Variants in INTS2 observed in about 807,000 individuals in gnomAD.
INTS2 encodes integrator complex subunit 2.
In INTS2, 57 loss-of-function variants were observed where a neutral mutation model predicts 139.6. The ratio of observed to expected loss-of-function variants is 0.41; its 90% confidence interval spans 0.33 to 0.51. The LOEUF is 0.51. INTS2 is among the 20% of genes least tolerant of loss of function. INTS2 has a pLI of 0.28. For missense variants in INTS2, 1,196 were observed against 1,436.7 expected, an observed-to-expected ratio of 0.83 and a Z score of 2.71; for synonymous variants, 473 against 493.4, an observed-to-expected ratio of 0.96 and a Z score of 0.55.
Position 61,926,187 on chromosome 17 carries a change from G to A in INTS2, c.293+165C>T, listed in dbSNP as rs574413387. 9.2e-5 allele frequency among the ~76,000 whole-genome samples: 14 copies of A among 152,228 alleles called. 1 individual carries two copies. The East Asian group carries it at 2.1e-3, about 23-fold the overall frequency. On this transcript the variant is annotated intron_variant, in intron 2 of 24. Transcript: ENST00000251334. ...TCTCTAGATAACATTTTATAACATG[G>A]AAGTCAAAAGATTCTGGAACTGTAA...
At chr17:61,889,064 CAA>C (rs1412067706) in intron 15 of INTS2, among the ~76,000 whole-genome samples, 3 of 135,610 alleles carry the variant, frequency 2.2e-5, no homozygotes. Flanking sequence ...CAAACCAAAA[CAA>C]AACAAAAAAA....
chr17:61,911,409 G>T (rs1055606091), intron 7 of INTS2, 111 bp downstream of exon 7: 12 of 871,544 alleles, frequency 1.4e-5, no homozygotes, highest in Non-Finnish European at 1.9e-5. Flanking sequence ...CCTGAAACTA[G>T]AAAGTGTGAG....
rs2079093626 is a variant in INTS2, at chr17:61,872,136, T to C, written c.2778+129A>G. 1.9e-6 allele frequency: 1 copy of C among 513,444 alleles called. No individual in the cohort carries two copies. Among genetic ancestry groups the C allele is most frequent in the East Asian group, 2.8e-5 (1 of 35,280 alleles). The allele number at this position is 513,444 out of a possible 1,614,324, so 31.8% of individuals were successfully genotyped here. ...AAGGTAACATCATTGTAATAGATTCTATAATAAAAGAAATGCACAATATGT... is the reference window on the plus strand; with the variant it reads ...AAGGTAACATCATTGTAATAGATTCCATAATAAAAGAAATGCACAATATGT... On this transcript the variant is annotated intron_variant, in intron 20 of 24. Transcript: ENST00000251334. This position sits in a 1 kb window ranked among gnomAD's most constrained non-coding sequence, Gnocchi z 4.8.
At chr17:61,879,911 C>G (rs1463552076) in intron 17 of INTS2, among the ~76,000 whole-genome samples, 1 of 152,062 alleles carries the variant, frequency 6.6e-6, no homozygotes, top group African/African-American at 2.4e-5. Context: ...ATTAGTGTTG[C>G]CTGTTTCTTT....
At chr17:61,912,136 A>G in intron 5 of INTS2, 66 bp from the exon 6 acceptor site, 1 of 1,529,760 alleles carries the variant, frequency 6.5e-7, no homozygotes, top group Non-Finnish European at 8.9e-7. Flanking sequence ...TTCACATGAC[A>G]GAAGAAAAGG....
intron 15 of INTS2, among the ~76,000 whole-genome samples, chr17:61,889,091 CTT>C (rs577423232): frequency 4.3e-5 from 6 of 140,506 alleles, no homozygotes; most frequent in Admixed American, 1.4e-4. Context: ...AACTCTTCTA[CTT>C]TTTTTTTTTT....
Position 61,881,578 on chromosome 17 carries a change from C to T in INTS2, c.2090-407G>A, listed in dbSNP as rs544668266. 7.3e-4 allele frequency among the ~76,000 whole-genome samples: 111 copies of T among 152,226 alleles called. 1 individual carries two copies. The highest frequency in any genetic ancestry group is 2.5e-3 in the African/African-American group (103 of 41,544). On this transcript the variant is annotated intron_variant, in intron 16 of 24. Coordinates refer to ENST00000251334, the MANE Select transcript of INTS2 (RefSeq NM_001351695.2). ...CAACATTGCACTCCAGCTCAGGCAA[C>T]GAGCAAAACTCCCGTTCAAAAATAA...
At chr17:61,903,450 G>C (rs530162959) in intron 9 of INTS2, among the ~76,000 whole-genome samples, 2 of 151,904 alleles carry the variant, frequency 1.3e-5, no homozygotes, top group Admixed American at 1.3e-4. Context: ...CCCAGGATGA[G>C]AGCTTTATAC....
intron 8 of INTS2, among the ~76,000 whole-genome samples, chr17:61,905,954 C>T (rs2079458126): frequency 1.3e-5 from 2 of 152,186 alleles, no homozygotes; most frequent in South Asian, 4.1e-4. Flanking sequence ...ACCTTGGCCC[C>T]CCAAAGTGCT....
At chr17:61,888,564 C>CATGCGTGCGTGT (rs1555622464) in intron 15 of INTS2, among the ~76,000 whole-genome samples, 36 of 119,596 alleles carry the variant, frequency 3.0e-4, no homozygotes, top group African/African-American at 8.9e-4. Flanking sequence ...TGTGTGCGTG[C>CATGCGTGCGTGT]GTGTGTGTGT....
rs893534487 is a variant in INTS2 at position 61,865,605 on chromosome 17, G to T, written c.*1952C>A. On this transcript the variant is annotated 3_prime_UTR_variant, in exon 25 of 25. Coordinates refer to ENST00000251334, the MANE Select transcript of INTS2 (RefSeq NM_001351695.2). This position sits in a 1 kb window ranked among gnomAD's most constrained non-coding sequence, Gnocchi z 4.8. ...AGGTTATGACCAGTCTTTGAATATT[G>T]ATCCAGGAATGTGCACTGCATTTAA... 7.9e-5 allele frequency: 12 copies of T among 152,346 alleles called. No homozygotes were observed. The highest frequency in any genetic ancestry group is 2.9e-4 in the African/African-American group (12 of 41,338). The allele number at this position is 152,346 out of a possible 1,614,324, so 9.4% of individuals were successfully genotyped here.
rs748084197 is a variant in INTS2, at chr17:61,889,811, A to T, written c.1959T>A (p.Ala653=). The T allele has an allele frequency of 6.2e-7, 1 of 1,602,122 alleles. No homozygotes were observed. The highest frequency in any genetic ancestry group is 1.1e-5 in the South Asian group (1 of 90,220). ...VLYYILSYEE[A]LLANTKTLAA... ...CTAAAGTCTTCGTGTTTGCTAGAAG[A>T]GCCTCTTCATAAGACAGTATATAGT... Residue 653 remains alanine, a synonymous_variant, in exon 15 of 25, where the codon GCT becomes GCA. Coordinates refer to ENST00000251334, the MANE Select transcript of INTS2 (RefSeq NM_001351695.2).
chr17:61,926,382 T>C lies in INTS2; in HGVS notation c.263A>G (p.Glu88Gly), dbSNP rs2079713784. The change falls in exon 2 of 25, where the codon GAA (glutamate) becomes GGA (glycine). Residue 88 changes from glutamate (E) to glycine (G), a missense_variant. Coordinates refer to ENST00000251334, the MANE Select transcript of INTS2 (RefSeq NM_001351695.2). ...CTGCTGTTCTTTGCTGGCATCTTGT[T>C]CTAAAGCATGAAAGTCCACGGACAA... is the stretch of plus-strand genomic sequence containing the variant. ...ALLSVDFHAL[E>G]QDASKEQQLR... is the part of the protein sequence containing the mutation. 8 of 1,608,426 alleles carry C rather than the reference T, an allele frequency of 5.0e-6. No individual in the cohort carries two copies. Among genetic ancestry groups the C allele is most frequent in the Non-Finnish European group, 6.8e-6 (8 of 1,175,386 alleles).
chr17:61,927,684 C>G lies in INTS2; in HGVS notation c.-49G>C. The G allele has an allele frequency of 7.0e-7, 1 of 1,431,968 alleles. No individual in the cohort carries two copies. The highest frequency in any genetic ancestry group is 1.5e-5 in the South Asian group (1 of 68,076). 88.7% of individuals were successfully genotyped at this position (1,431,968 alleles called of 1,614,324 possible). Reference sequence around the variant, plus strand: ...GATCTACCCTCCAGCCTCACGGAACCGCACACGGACTCCGCGTCCTAGAGG... The same window carrying G: ...GATCTACCCTCCAGCCTCACGGAACGGCACACGGACTCCGCGTCCTAGAGG... On this transcript the variant is annotated 5_prime_UTR_variant, in exon 1 of 25. Coordinates refer to ENST00000251334, the MANE Select transcript of INTS2 (RefSeq NM_001351695.2).
Position 61,881,053 on chromosome 17 carries a change from G to C in INTS2, c.2208C>G (p.Leu736=), listed in dbSNP as rs759381375. 1 of 1,613,766 alleles carries C rather than the reference G, an allele frequency of 6.2e-7. No homozygotes were observed. Among genetic ancestry groups the C allele is most frequent in the East Asian group, 2.2e-5 (1 of 44,864 alleles). ...AATGATTTTTAGCATTATTAGTCAG[G>C]AGCATTCGCCGTAGCAGGGCATCAG... The part of the protein sequence containing the change: ...TGTDALLRRM[L]LTNNAKNHSP... Residue 736 remains leucine, a synonymous_variant, in exon 17 of 25, where the codon CTC becomes CTG. Transcript: ENST00000251334.
At chr17:61,898,193 A>T (rs2079368918) in intron 9 of INTS2, among the ~76,000 whole-genome samples, 1 of 152,244 alleles carries the variant, frequency 6.6e-6, no homozygotes, top group Admixed American at 6.5e-5. Context: ...TTTAATTTAT[A>T]GAAACCTTAT....
At position 61,869,320 on chromosome 17, in the gene INTS2, G is replaced by C; in HGVS notation, c.3091C>G (p.Leu1031Val). The change falls in exon 22 of 25, where the codon CTA becomes GTA. Residue 1031 changes from leucine to valine, a missense_variant. Around this residue, in one of 3 missense-constraint regions of INTS2, gnomAD observed 1,129 missense variants for 1,341.9 expected, o/e 0.84. Transcript: ENST00000251334. This position sits in a 1 kb window ranked among gnomAD's most constrained non-coding sequence, Gnocchi z 5.4. ...GCAATAAGCTCAGGTATGAAATCTA[G>C]ACAGATGTGCATAGATGGAATACCT... ...VAGIPSMHIC[L>V]DFIPELIAQP... 1.2e-6 allele frequency: 2 copies of C among 1,607,746 alleles called. No individual in the cohort carries two copies. The highest frequency in any genetic ancestry group is 1.3e-5 in the African/African-American group (1 of 74,900).
rs1256841223 is a variant in INTS2, at chr17:61,865,385, T to C, written c.*2172A>G. On this transcript the variant is annotated 3_prime_UTR_variant, in exon 25 of 25. Transcript: ENST00000251334. The surrounding 1 kb of genome is among the most constrained non-coding windows in gnomAD (Gnocchi z 4.8). ...CTACAGGTTCGTTTGATAAAGAATA[T>C]GAATGTTTATAAACCAATATTCAAA... is the stretch of plus-strand genomic sequence containing the variant. 2.6e-5 allele frequency: 4 copies of C among 152,626 alleles called. No homozygotes were observed. Among genetic ancestry groups the C allele is most frequent in the African/African-American group, 9.7e-5 (4 of 41,450 alleles). The allele number at this position is 152,626 out of a possible 1,614,324, so 9.5% of individuals were successfully genotyped here.
chr17:61,869,643 T>C lies in INTS2; in HGVS notation c.3030+94A>G, dbSNP rs149974564. ...AAAAGCCCATGGATCATTTGTGTTT[T>C]CTCTGGTTTCTAAATGATCCCTGTT... On this transcript the variant is annotated intron_variant, in intron 21 of 24. Coordinates refer to ENST00000251334, the MANE Select transcript of INTS2 (RefSeq NM_001351695.2). The surrounding 1 kb of genome is among the most constrained non-coding windows in gnomAD (Gnocchi z 5.4). 1,003 of 1,395,338 alleles carry C rather than the reference T, an allele frequency of 7.2e-4. 7 individuals carry two copies. The African/African-American group carries it at 0.012, about 17-fold the overall frequency. The allele number at this position is 1,395,338 out of a possible 1,614,324, so 86.4% of individuals were successfully genotyped here. A position where few individuals can be genotyped will look rare whatever the true frequency, so the allele number is the denominator to read the frequency against.
Sources: allele counts gnomAD v4.1 joint callset (sites outside exome capture counted in the v4.1 genomes callset), GRCh38; gene constraint gnomAD v4.1.1; regional missense constraint gnomAD v4.1.1; non-coding constraint Gnocchi (gnomAD v3.1); transcripts MANE v1.5; gene names NCBI Gene and HGNC (gene_info 2026-07-23, HGNC 2026-07-21).